The following FDFT1 variants were observed in gnomAD, a reference collection of about 807,000 sequenced individuals.
FDFT1 encodes the protein squalene synthase.
A neutral mutation model predicts 46.8 loss-of-function variants in FDFT1; 68 were observed. The ratio of observed to expected loss-of-function variants is 1.45; its 90% CI spans 1.19 to 1.78. FDFT1 has a LOEUF of 1.78. Ranked by LOEUF, FDFT1 falls within the 40% of genes most tolerant of loss-of-function variation. The pLI, the probability that FDFT1 is intolerant of heterozygous loss-of-function variation, is 0.00. For synonymous variants in FDFT1, 351 were observed against 185.1 expected (o/e 1.90, Z -7.28); for missense variants, 928 against 524.4 (o/e 1.77, Z -7.52).
At chr8:11,827,873 C>G (rs1459606422) in intron 5 of FDFT1, among the ~76,000 whole-genome samples, 1 of 150,306 alleles carries the variant, frequency 6.7e-6, no homozygotes, top group South Asian at 2.1e-4. Flanking sequence ...GACCTTATCT[C>G]TTAAAACAAA....
At chr8:11,809,907 G>A in intron 3 of FDFT1, 57 bp downstream of exon 3, 8 of 1,341,272 alleles carry the variant, frequency 6.0e-6, no homozygotes, top group Non-Finnish European at 8.4e-6. Context: ...TGCTAACGTG[G>A]TTGTCCGGTA....
At chr8:11,811,436 G>GT (rs1332028049) in intron 3 of FDFT1, among the ~76,000 whole-genome samples, 1 of 152,232 alleles carries the variant, frequency 6.6e-6, no homozygotes, top group East Asian at 1.9e-4. Context: ...GGATAAATGT[G>GT]TTAGGTATTG....
Position 11,831,534 on chromosome 8 carries a change from C to G in FDFT1, c.896C>G (p.Thr299Ser). Reference sequence around the variant, plus strand: ...TGTCTCTAGGTGATGGCCATTGCCACTTTGGCTGCCTGTTATAATAACCAG... The same window carrying G: ...TGTCTCTAGGTGATGGCCATTGCCAGTTTGGCTGCCTGTTATAATAACCAG... Reference protein sequence around the residue: ...CAIPQVMAIATLAACYNNQQV... With the variant: ...CAIPQVMAIASLAACYNNQQV... The change falls in exon 7 of 8, where the codon ACT becomes AGT. Residue 299 changes from threonine to serine, a missense_variant. Transcript: ENST00000220584. 2 of 1,614,084 alleles carry G rather than the reference C, an allele frequency of 1.2e-6. No homozygotes were observed. Among genetic ancestry groups the G allele is most frequent in the Non-Finnish European group, 1.7e-6 (2 of 1,179,964 alleles).
intron 3 of FDFT1, among the ~76,000 whole-genome samples, chr8:11,819,583 T>C (rs984391211): frequency 2.6e-5 from 4 of 152,128 alleles, no homozygotes; most frequent in African/African-American, 9.7e-5. Flanking sequence ...TCTTGCTTTA[T>C]TTCATTAATT....
chr8:11,804,361 G>C (rs1806532159), intron 1 of FDFT1, among the ~76,000 whole-genome samples: 1 of 152,132 alleles, frequency 6.6e-6, no homozygotes, highest in Non-Finnish European at 1.5e-5. Context: ...GGTGGTCATG[G>C]TAAGTGGGTA....
chr8:11,837,538 C>G (rs1204432201), intron 7 of FDFT1, among the ~76,000 whole-genome samples: 1 of 152,134 alleles, frequency 6.6e-6, no homozygotes, highest in Non-Finnish European at 1.5e-5. Flanking sequence ...GGCCCGGCAA[C>G]TGTTACTAGA....
upstream of FDFT1, among the ~76,000 whole-genome samples, chr8:11,800,011 TA>T (rs1805945675): frequency 7.0e-6 from 1 of 142,626 alleles, no homozygotes; most frequent in Non-Finnish European, 1.6e-5. Context: ...CCTGTAATCC[TA>T]GCACTTTGGG....
chr8:11,821,629 A>G (rs1809259634), intron 3 of FDFT1, 121 bp from the exon 4 acceptor site: 1 of 1,197,906 alleles, frequency 8.3e-7, no homozygotes, highest in Non-Finnish European at 1.2e-6. Flanking sequence ...TGTGACCTAA[A>G]TTAGGCTTAT....
chr8:11,827,658 G>A (rs903228444), intron 5 of FDFT1, among the ~76,000 whole-genome samples: 143 of 152,206 alleles, frequency 9.4e-4, no homozygotes, highest in African/African-American at 3.3e-3. Flanking sequence ...AAGGAGATAA[G>A]AACAAGATAG....
Position 11,830,423 on chromosome 8 carries a change from A to C in FDFT1, c.879+3A>C. ...TTAACTTCTGTGCTATTCCACAGGTAGGGAAGGGGGCTCCTCTGGGTGGAT... is the reference window on the plus strand; with the variant it reads ...TTAACTTCTGTGCTATTCCACAGGTCGGGAAGGGGGCTCCTCTGGGTGGAT... On this transcript the variant is annotated splice_donor_region_variant and intron_variant, in intron 6 of 7. Coordinates refer to ENST00000220584, the MANE Select transcript of FDFT1 (RefSeq NM_004462.5). 1 of 1,610,752 alleles carries C rather than the reference A, an allele frequency of 6.2e-7. No individual in the cohort carries two copies. The highest frequency in any genetic ancestry group is 8.5e-7 in the Non-Finnish European group (1 of 1,177,558).
At chr8:11,803,222 A>T in intron 1 of FDFT1, 1 of 1,400,034 alleles carries the variant, frequency 7.1e-7, no homozygotes, top group East Asian at 3.4e-5. Context: ...ATCGGCGCTT[A>T]CCGGTATTTT....
Position 11,809,103 on chromosome 8 carries a change from G to C in FDFT1, c.197+212G>C, listed in dbSNP as rs531078211. 20 of 1,282,140 alleles carry C rather than the reference G, an allele frequency of 1.6e-5. No homozygotes were observed. In the African/African-American group the frequency reaches 2.9e-4, roughly 19 times the overall value. The allele number at this position is 1,282,140 out of a possible 1,614,324, so 79.4% of individuals were successfully genotyped here. The stretch of plus-strand genomic sequence containing the variant: ...GTCCCTGCGGGCCCAGCCTTTCAGA[G>C]AAGAGGGGGGAGGGGGTGATGTTTA... On this transcript the variant is annotated intron_variant, in intron 2 of 7. Transcript: ENST00000220584.
intron 1 of FDFT1, chr8:11,808,129 A>G (rs1807107137): frequency 2.9e-5 from 13 of 441,254 alleles, no homozygotes; most frequent in South Asian, 9.9e-5. Context: ...GGTCAAATCA[A>G]TTTAGCAGGA....
rs748783500 is a variant in FDFT1, at chr8:11,831,494, T to TC, written c.880-21dup. 1.7e-5 allele frequency: 27 copies of TC among 1,601,584 alleles called. No individual in the cohort carries two copies. Among genetic ancestry groups the TC allele is most frequent in the Middle Eastern group, 3.3e-4 (2 of 6,038 alleles). ...GCTAACGACATCATTTCTTCTTTTTTCCCTCTCTTCTTGTTGTCTCTAGGT... is the reference window on the plus strand; with the variant it reads ...GCTAACGACATCATTTCTTCTTTTTTCCCCTCTCTTCTTGTTGTCTCTAGGT... On this transcript the variant is annotated intron_variant, in intron 6 of 7. Coordinates refer to ENST00000220584, the MANE Select transcript of FDFT1 (RefSeq NM_004462.5).
upstream of FDFT1, among the ~76,000 whole-genome samples, chr8:11,800,097 TA>T (rs375631875): frequency 9.4e-5 from 14 of 149,510 alleles, no homozygotes; most frequent in African/African-American, 3.2e-4. Flanking sequence ...CTGTCTCTAC[TA>T]AAAATCGAAA....
chr8:11,825,611 G>A lies in FDFT1; in HGVS notation c.511-413G>A, dbSNP rs935214822. Among the ~76,000 whole-genome samples, 6 of 151,410 alleles carry A rather than the reference G, an allele frequency of 4.0e-5. No homozygotes were observed. In the South Asian group the frequency reaches 6.2e-4, roughly 16 times the overall value. ...TATTTGCCTACAATCCCAGCTGTTC[G>A]GGAAGCTGAGGCAGAAAGATTGCTT... On this transcript the variant is annotated intron_variant, in intron 4 of 7. Transcript: ENST00000220584.
chr8:11,798,065 C>T (rs1482261971), upstream of FDFT1: 2 of 135,288 alleles, frequency 1.5e-5, no homozygotes, highest in Non-Finnish European at 3.3e-5. Flanking sequence ...GGATTATAAT[C>T]AAGTGTGTGT....
chr8:11,805,319 A>C (rs1303160970), intron 1 of FDFT1, among the ~76,000 whole-genome samples: 1 of 152,178 alleles, frequency 6.6e-6, no homozygotes, highest in Non-Finnish European at 1.5e-5. Context: ...AGGGTTTAGT[A>C]AACTTGATTT....
chr8:11,823,918 A>T (rs979708652), intron 4 of FDFT1, among the ~76,000 whole-genome samples: 2 of 151,438 alleles, frequency 1.3e-5, no homozygotes, highest in Non-Finnish European at 2.9e-5. Flanking sequence ...TAATTTTTGT[A>T]ATTTTTTGGT....
Sources: gnomAD v4.1 joint callset for allele counts (sites outside exome capture counted in the v4.1 genomes callset) on GRCh38, gnomAD v4.1.1 for gene constraint, MANE v1.5 for transcripts, NCBI Gene and HGNC (gene_info 2026-07-23, HGNC 2026-07-21) for gene names.